Variants in C5 observed in about 807,000 individuals in gnomAD.
C5 encodes the protein C3 and PZP-like alpha-2-macroglobulin domain-containing protein 4.
Under a neutral mutation model 218.8 loss-of-function variants are expected in C5, and 140 were observed. The observed-to-expected ratio is 0.64, with a 90% CI of 0.56 to 0.74. C5 has a LOEUF of 0.74. C5 is among the 30% of genes least tolerant of loss of function. C5 has a pLI of 0.00. For synonymous variants in C5, 614 were observed against 682.3 expected (o/e 0.90, Z 1.56); for missense variants, 1,700 against 1,969.6 (o/e 0.86, Z 2.59).
chr9:121,064,228 T>C, the C5 span, among the ~76,000 whole-genome samples: 1 of 152,192 alleles, frequency 6.6e-6, no homozygotes. Flanking sequence ...TGAGATTTTA[T>C]GTTTTTCAAT....
intron 2 of C5, among the ~76,000 whole-genome samples, chr9:121,044,003 A>G (rs1239344578): frequency 1.3e-5 from 2 of 152,238 alleles, no homozygotes; most frequent in South Asian, 2.1e-4. Flanking sequence ...AAGTGTATCT[A>G]TGAAAAATTA....
At chr9:121,030,606 C>T (rs959740976) in intron 6 of C5, 119 bp from the exon 7 acceptor site, 4 of 618,764 alleles carry the variant, frequency 6.5e-6, no homozygotes, top group Non-Finnish European at 1.2e-5. Context: ...ACAACATCCA[C>T]TTTATTATCA....
the C5 span, among the ~76,000 whole-genome samples, chr9:121,071,044 T>C: frequency 6.6e-5 from 10 of 152,182 alleles, no homozygotes; most frequent in Non-Finnish European, 1.2e-4. Flanking sequence ...GTATGGTGAC[T>C]CACACCTACA....
intron 1 of C5, among the ~76,000 whole-genome samples, chr9:121,046,797 G>A (rs958948459): frequency 3.3e-5 from 5 of 151,828 alleles, no homozygotes; most frequent in Non-Finnish European, 7.4e-5. Flanking sequence ...GTCTTTCTGA[G>A]GCTAAAATAA....
upstream of C5, among the ~76,000 whole-genome samples, chr9:121,054,917 C>T (rs959259549): frequency 4.6e-5 from 7 of 151,978 alleles, no homozygotes; most frequent in Non-Finnish European, 8.8e-5. Flanking sequence ...TTGATTCTCT[C>T]GGAGGGCTGC....
chr9:121,009,948 A>G (rs1174317011), intron 17 of C5, among the ~76,000 whole-genome samples: 1 of 152,192 alleles, frequency 6.6e-6, no homozygotes, highest in African/African-American at 2.4e-5. Context: ...CTGCCCATGG[A>G]GGGAGCATTT....
intron 11 of C5, 82 bp downstream of exon 11, chr9:121,021,427 G>A (rs1443515256): frequency 2.1e-5 from 23 of 1,101,352 alleles, no homozygotes; most frequent in Admixed American, 5.2e-5. Context: ...AAAATCTGCC[G>A]CATCTGTTCT....
rs137867011 is a variant in C5, at chr9:120,962,667, T to C, written c.4504+4A>G. On this transcript the variant is annotated splice_donor_region_variant and intron_variant, in intron 36 of 40. Coordinates refer to ENST00000223642, the MANE Select transcript of C5 (RefSeq NM_001735.3). Reference sequence around the variant, plus strand: ...TGAAGAAATGTTAGCATGGAGTTGATTACCTGGTCTGTGGTATTCGTACAC... The same window carrying C: ...TGAAGAAATGTTAGCATGGAGTTGACTACCTGGTCTGTGGTATTCGTACAC... 36 of 1,585,276 alleles carry C rather than the reference T, an allele frequency of 2.3e-5. No homozygotes were observed. The African/African-American group carries it at 4.6e-4, about 20-fold the overall frequency.
At chr9:121,072,474 T>A in the C5 span, among the ~76,000 whole-genome samples, 1 of 152,000 alleles carries the variant, frequency 6.6e-6, no homozygotes, top group Non-Finnish European at 1.5e-5. Flanking sequence ...ACGTACACAT[T>A]CCAATCTAAT....
At chr9:120,959,811 A>T (rs1227983224) in intron 38 of C5, among the ~76,000 whole-genome samples, 2 of 152,202 alleles carry the variant, frequency 1.3e-5, no homozygotes, top group Admixed American at 6.5e-5. Flanking sequence ...AATCTTGAAT[A>T]TATTAAAAAT....
At chr9:121,048,413 T>C (rs975256183) in intron 1 of C5, among the ~76,000 whole-genome samples, 1 of 152,202 alleles carries the variant, frequency 6.6e-6, no homozygotes, top group Non-Finnish European at 1.5e-5. Flanking sequence ...ATGAACTCTA[T>C]TGTGAACCGC....
intron 7 of C5, among the ~76,000 whole-genome samples, chr9:121,028,930 T>C (rs1215803736): frequency 6.6e-6 from 1 of 152,152 alleles, no homozygotes; most frequent in African/African-American, 2.4e-5. Context: ...AAAAAATTGA[T>C]CTTGGGGAGA....
chr9:121,015,059 G>T, intron 16 of C5, 140 bp downstream of exon 16: 1 of 631,624 alleles, frequency 1.6e-6, no homozygotes, highest in Non-Finnish European at 2.8e-6. Flanking sequence ...CTTTCTGAGA[G>T]AGATAAGCTA....
intron 20 of C5, among the ~76,000 whole-genome samples, chr9:121,002,842 T>C (rs1248359985): frequency 2.0e-5 from 3 of 152,178 alleles, no homozygotes; most frequent in African/African-American, 7.2e-5. Flanking sequence ...CTCCAACTCT[T>C]CACGTTGTAT....
chr9:120,989,594 TGC>T lies in C5; in HGVS notation c.3126_3127del (p.Gln1043GlufsTer20), dbSNP rs1587963510. The T allele has an allele frequency of 3.1e-6, 5 of 1,611,074 alleles. No individual in the cohort carries two copies. In the African/African-American group the frequency reaches 5.3e-5, roughly 17 times the overall value. On this transcript the variant is annotated frameshift_variant, in exon 24 of 41. Coordinates refer to ENST00000223642, the MANE Select transcript of C5 (RefSeq NM_001735.3). LOFTEE classifies it high-confidence loss of function. ...TTCTTTTAATTTTTTCTTCAGTTTC[TGC>T]TTTTCAATTAATGGGTCAGAATGAA...
At chr9:121,001,074 G>C (rs1205935002) in intron 20 of C5, among the ~76,000 whole-genome samples, 1 of 152,156 alleles carries the variant, frequency 6.6e-6, no homozygotes, top group Non-Finnish European at 1.5e-5. Context: ...ACAAGTAGCA[G>C]ATTAAATACC....
upstream of C5, among the ~76,000 whole-genome samples, chr9:121,051,123 C>CT (rs5900469): frequency 1.7e-3 from 244 of 140,830 alleles, 2 homozygotes; most frequent in South Asian, 0.013. Flanking sequence ...TATCTTTATA[C>CT]TTTTTTTTTT....
intron 6 of C5, 85 bp downstream of exon 6, chr9:121,032,028 A>G (rs1421677269): frequency 5.2e-6 from 4 of 769,332 alleles, no homozygotes; most frequent in Non-Finnish European, 9.0e-6. Context: ...GTGCCACTGC[A>G]CTCCAGCCTG....
upstream of C5, among the ~76,000 whole-genome samples, chr9:121,054,898 C>T (rs879457887): frequency 4.0e-5 from 6 of 151,874 alleles, no homozygotes; most frequent in Non-Finnish European, 5.9e-5. Context: ...AAGAGACAGA[C>T]GTTTGCCATT....
Sources: gnomAD v4.1 joint callset for allele counts (sites outside exome capture counted in the v4.1 genomes callset) on GRCh38, gnomAD v4.1.1 for gene constraint, MANE v1.5 for transcripts, NCBI Gene and HGNC (gene_info 2026-07-23, HGNC 2026-07-21) for gene names.